The following CST7 variants were observed in gnomAD, a reference collection of about 807,000 sequenced individuals.
CST7 encodes cystatin-F.
In CST7, 15 loss-of-function variants were observed where a neutral mutation model predicts 13.1. That is an observed-to-expected ratio of 1.14 (90% CI 0.77 to 1.76). The LOEUF (loss-of-function observed/expected upper bound fraction) is 1.76, where lower values mean the gene tolerates loss of function less well. Among genes scored for constraint, CST7 ranks in the 40% most tolerant of loss-of-function variants. CST7 has a pLI of 0.00. For synonymous variants in CST7, 75 were observed against 66.9 expected (o/e 1.12, Z -0.59); for missense variants, 193 against 178.8 (o/e 1.08, Z -0.45).
chr20:24,954,101 C>T (rs543306202), intron 1 of CST7, among the ~76,000 whole-genome samples: 4 of 152,156 alleles, frequency 2.6e-5, no homozygotes, highest in Admixed American at 1.3e-4. Context: ...CCACTGTGGG[C>T]GGGGCCTGTC....
At chr20:24,958,371 G>A (rs1484595489) in intron 2 of CST7, among the ~76,000 whole-genome samples, 1 of 152,098 alleles carries the variant, frequency 6.6e-6, no homozygotes, top group East Asian at 1.9e-4. Context: ...GGACTTGGAG[G>A]TTGTCTCTCT....
chr20:24,951,544 C>T (rs1009708377), intron 1 of CST7, among the ~76,000 whole-genome samples: 5 of 152,226 alleles, frequency 3.3e-5, no homozygotes, highest in Non-Finnish European at 7.3e-5. Flanking sequence ...GGGCCCCAGA[C>T]ACAAGCATGC....
rs138917844 is a variant in CST7 at position 24,957,437 on chromosome 20, G to A, written c.221G>A (p.Arg74His). The A allele has an allele frequency of 2.1e-4, 331 of 1,613,488 alleles. No homozygotes were observed. The highest frequency in any genetic ancestry group is 2.7e-4 in the Non-Finnish European group (321 of 1,179,716). Reference protein sequence around the residue: ...TNDMFLFKESRITRALVQIVK... With the variant: ...TNDMFLFKESHITRALVQIVK... ...GACATGTTCTTGTTCAAGGAGTCCC[G>A]CATCACAAGGGCCCTAGTTCAGGTA... Residue 74 changes from arginine (R) to histidine (H), a missense_variant, in exon 2 of 4, where the codon CGC (arginine) becomes CAC (histidine). Physicochemically the swap from Arg to His is conservative, Grantham distance 29. Coordinates refer to ENST00000480798, the MANE Select transcript of CST7 (RefSeq NM_003650.4).
intron 1 of CST7, among the ~76,000 whole-genome samples, chr20:24,950,572 G>A (rs1260981436): frequency 1.3e-5 from 2 of 152,180 alleles, no homozygotes; most frequent in South Asian, 2.1e-4. Context: ...AGGAGGGGCC[G>A]GGGGCAGCTT....
intron 1 of CST7, among the ~76,000 whole-genome samples, chr20:24,956,585 A>G (rs1410703281): frequency 6.6e-6 from 1 of 152,144 alleles, no homozygotes; most frequent in East Asian, 1.9e-4. Context: ...GACACAGTGC[A>G]CTGTCACTCA....
chr20:24,956,686 G>A (rs2087856833), intron 1 of CST7, among the ~76,000 whole-genome samples: 1 of 152,006 alleles, frequency 6.6e-6, no homozygotes, highest in Non-Finnish European at 1.5e-5. Flanking sequence ...CCTCCTGGGG[G>A]CTGGGCCTGA....
chr20:24,951,436 T>A (rs1190467573), intron 1 of CST7, among the ~76,000 whole-genome samples: 2 of 152,180 alleles, frequency 1.3e-5, no homozygotes, highest in African/African-American at 4.8e-5. Context: ...GGCGCTGTGA[T>A]CATTTCTGGT....
chr20:24,954,603 A>C (rs1190069352), intron 1 of CST7, among the ~76,000 whole-genome samples: 1 of 152,238 alleles, frequency 6.6e-6, no homozygotes, highest in African/African-American at 2.4e-5. Context: ...AGCTTTTAAT[A>C]TCTGTTTAGA....
At chr20:24,957,986 T>C (rs1297008907) in intron 2 of CST7, among the ~76,000 whole-genome samples, 1 of 152,116 alleles carries the variant, frequency 6.6e-6, no homozygotes, top group African/African-American at 2.4e-5. Flanking sequence ...CCCTCCCTCC[T>C]AGAGGACCCT....
At chr20:24,954,559 G>A (rs1250828953) in intron 1 of CST7, among the ~76,000 whole-genome samples, 3 of 152,122 alleles carry the variant, frequency 2.0e-5, no homozygotes, top group Non-Finnish European at 2.9e-5. Flanking sequence ...CTAAAAATAG[G>A]TTTGACTTTT....
At chr20:24,959,266 C>T (rs553410183) in intron 3 of CST7, among the ~76,000 whole-genome samples, 2 of 152,288 alleles carry the variant, frequency 1.3e-5, no homozygotes, top group South Asian at 2.1e-4. Context: ...GTCCCAGAGG[C>T]GGAGACACAG....
chr20:24,958,896 GCCCAGTAACCCAGT>G lies in CST7; in HGVS notation c.244-28_244-15del. ...GAGAAGCCTGCCCTCCCTCCCCTGTGCCCAGTAACCCAGTCCCTTTGCTCCCTCCAGATAGTGAA... is the reference window on the plus strand; with the variant it reads ...GAGAAGCCTGCCCTCCCTCCCCTGTGCCCTTTGCTCCCTCCAGATAGTGAA... On this transcript the variant is annotated intron_variant, in intron 2 of 3. Transcript: ENST00000480798. 1 of 1,524,446 alleles carries G rather than the reference GCCCAGTAACCCAGT, an allele frequency of 6.6e-7. No individual in the cohort carries two copies. Among genetic ancestry groups the G allele is most frequent in the South Asian group, 1.1e-5 (1 of 89,048 alleles). 94.4% of individuals were successfully genotyped at this position (1,524,446 alleles called of 1,614,324 possible). A position where few individuals can be genotyped will look rare whatever the true frequency, so the allele number is the denominator to read the frequency against.
At chr20:24,950,891 G>A (rs1016788207) in intron 1 of CST7, among the ~76,000 whole-genome samples, 5 of 152,174 alleles carry the variant, frequency 3.3e-5, no homozygotes, top group African/African-American at 9.7e-5. Context: ...GAAGTGGCTC[G>A]TTCTCACACC....
chr20:24,955,788 G>A lies in CST7; in HGVS notation c.71-1499G>A, dbSNP rs1359694079. ...CAGCAGTTTCAGGGGGGATGTGTGT[G>A]ACACTAATTAGTGTGAAGGACAGTC... On this transcript the variant is annotated intron_variant, in intron 1 of 3. Coordinates refer to ENST00000480798, the MANE Select transcript of CST7 (RefSeq NM_003650.4). Among the ~76,000 whole-genome samples the A allele has an allele frequency of 3.3e-5, 5 of 152,184 alleles. No individual in the cohort carries two copies. In the East Asian group the frequency reaches 9.6e-4, roughly 29 times the overall value.
At chr20:24,952,438 G>A (rs191234475) in intron 1 of CST7, among the ~76,000 whole-genome samples, 19 of 149,952 alleles carry the variant, frequency 1.3e-4, no homozygotes, top group African/African-American at 4.3e-4. Flanking sequence ...GATAGACTCC[G>A]CCATTAGCCA....
chr20:24,949,338 TGAG>T lies in CST7; in HGVS notation c.-167_-165del. 6.5e-7 allele frequency: 1 copy of T among 1,536,508 alleles called. No homozygotes were observed. The highest frequency in any genetic ancestry group is 1.3e-5 in the South Asian group (1 of 79,556). On this transcript the variant is annotated 5_prime_UTR_variant, in exon 1 of 4. Coordinates refer to ENST00000480798, the MANE Select transcript of CST7 (RefSeq NM_003650.4). ...TTGCCCGGCACTGGCCCGTGCTGCC[TGAG>T]AAGGATTGGCACGGGCACAGACCAC...
At chr20:24,958,314 G>A (rs1205866629) in intron 2 of CST7, among the ~76,000 whole-genome samples, 1 of 152,122 alleles carries the variant, frequency 6.6e-6, no homozygotes, top group African/African-American at 2.4e-5. Flanking sequence ...TCTCCGGGTA[G>A]GCCAGTGGGA....
intron 1 of CST7, among the ~76,000 whole-genome samples, chr20:24,949,900 G>A (rs550355178): frequency 7.9e-5 from 12 of 152,342 alleles, no homozygotes; most frequent in East Asian, 3.9e-4. Context: ...TCTGCGGGAC[G>A]GAGGCGACAG....
chr20:24,957,036 T>TGGGTG (rs1568806076), intron 1 of CST7, among the ~76,000 whole-genome samples: 4 of 1,856 alleles, frequency 2.2e-3, no homozygotes, highest in South Asian at 0.017. Context: ...GGGGAGCAGG[T>TGGGTG]GAGAGGGGGC....
Sources: gnomAD v4.1 joint callset for allele counts (sites outside exome capture counted in the v4.1 genomes callset) on GRCh38, gnomAD v4.1.1 for gene constraint, MANE v1.5 for transcripts, NCBI Gene and HGNC (gene_info 2026-07-23, HGNC 2026-07-21) for gene names.